Variants in MED13L observed in about 807,000 individuals in gnomAD.
MED13L encodes mediator of RNA polymerase II transcription subunit 13-like.
In MED13L, 7 loss-of-function variants were observed where a neutral mutation model predicts 220.9. That is an observed-to-expected ratio of 0.03 (90% CI 0.02 to 0.06). The LOEUF (loss-of-function observed/expected upper bound fraction) is 0.06. MED13L is among the 10% of genes least tolerant of loss of function. MED13L has a pLI of 1.00. For synonymous variants in MED13L, 1,011 were observed against 1,015.2 expected, an observed-to-expected ratio of 1.00 and a Z score of 0.08; for missense variants, 1,965 against 2,760.5, an observed-to-expected ratio of 0.71 and a Z score of 6.46.
chr12:116,202,885 T>C (rs1000233336), intron 2 of MED13L, among the ~76,000 whole-genome samples: 5 of 152,146 alleles, frequency 3.3e-5, no homozygotes, highest in Non-Finnish European at 5.9e-5. Flanking sequence ...ATCTCAAAAA[T>C]GTAAGAAAAT....
chr12:116,237,744 T>C (rs1223760283), intron 1 of MED13L, 39 bp from the exon 2 acceptor site: 1 of 1,553,474 alleles, frequency 6.4e-7, no homozygotes, highest in Non-Finnish European at 8.9e-7. Flanking sequence ...TTTCTCATTT[T>C]ACTTACAGAC....
At chr12:116,056,027 T>C (rs1459525000) in intron 4 of MED13L, among the ~76,000 whole-genome samples, 2 of 152,052 alleles carry the variant, frequency 1.3e-5, no homozygotes, top group African/African-American at 4.8e-5. Flanking sequence ...CCACAGTACA[T>C]AAGCAGAAGA....
intron 4 of MED13L, among the ~76,000 whole-genome samples, chr12:116,051,373 T>A (rs1456983104): frequency 6.6e-6 from 1 of 152,218 alleles, no homozygotes; most frequent in Non-Finnish European, 1.5e-5. Flanking sequence ...AATACAGTTT[T>A]ATTCTCTCCA....
chr12:116,273,681 A>G (rs1207815201), intron 1 of MED13L, among the ~76,000 whole-genome samples: 1 of 152,204 alleles, frequency 6.6e-6, no homozygotes, highest in Non-Finnish European at 1.5e-5. Context: ...AGAATTTGAG[A>G]TTATCACCCA....
At chr12:116,090,245 G>A (rs767766344) in intron 4 of MED13L, among the ~76,000 whole-genome samples, 7 of 152,168 alleles carry the variant, frequency 4.6e-5, no homozygotes, top group Non-Finnish European at 8.8e-5. Context: ...AGGTGAATAG[G>A]TGGTCACCTC....
intron 2 of MED13L, among the ~76,000 whole-genome samples, chr12:116,150,197 T>C (rs1391165567): frequency 6.6e-6 from 1 of 152,202 alleles, no homozygotes; most frequent in Non-Finnish European, 1.5e-5. Flanking sequence ...CCAAATCTCT[T>C]TTCTGGCTGA....
In MED13L at chr12:116,006,095, T is replaced by G. The variant is rs193095297; in HGVS notation, c.2345-102A>C. The stretch of plus-strand genomic sequence containing the variant: ...CAATGAACATGACCTGCCTGTGAGT[T>G]TTTCCCTATGGTTTTAGTTAAATTT... On this transcript the variant is annotated intron_variant, in intron 12 of 30. Transcript: ENST00000281928. 1.1e-3 allele frequency: 1,634 copies of G among 1,516,726 alleles called. 2 individuals are homozygous for G. The highest frequency in any genetic ancestry group is 1.5e-3 in the Admixed American group (86 of 56,352). The allele number at this position is 1,516,726 out of a possible 1,614,324, so 94.0% of individuals were successfully genotyped here.
chr12:116,100,594 G>A (rs1246530204), intron 3 of MED13L, among the ~76,000 whole-genome samples: 2 of 106,064 alleles, frequency 1.9e-5, no homozygotes, highest in Admixed American at 1.2e-4. Context: ...GAGAGACTCC[G>A]TCTCAAAAAA....
intron 2 of MED13L, among the ~76,000 whole-genome samples, chr12:116,197,434 G>C (rs757362768): frequency 6.6e-6 from 1 of 152,066 alleles, no homozygotes. Context: ...TCAGTAAGAT[G>C]TTCTTCTGGG....
intron 2 of MED13L, among the ~76,000 whole-genome samples, chr12:116,149,561 A>G (rs950350400): frequency 6.6e-6 from 1 of 152,234 alleles, no homozygotes; most frequent in African/African-American, 2.4e-5. Context: ...CTAACAAGCA[A>G]GTTACTTAAA....
At chr12:116,132,730 G>A (rs1456415394) in intron 2 of MED13L, among the ~76,000 whole-genome samples, 3 of 152,062 alleles carry the variant, frequency 2.0e-5, no homozygotes, top group African/African-American at 7.2e-5. Context: ...GACCAGACTG[G>A]CCAACATGGC....
At chr12:116,118,572 T>C (rs1039727924) in intron 2 of MED13L, among the ~76,000 whole-genome samples, 3 of 152,236 alleles carry the variant, frequency 2.0e-5, no homozygotes, top group Non-Finnish European at 4.4e-5. Flanking sequence ...CCTTTCAATT[T>C]ACTATCACTA....
chr12:116,004,895 AT>A (rs777807681), intron 13 of MED13L, among the ~76,000 whole-genome samples: 1 of 152,154 alleles, frequency 6.6e-6, no homozygotes, highest in African/African-American at 2.4e-5. Context: ...ACTGCTCCCC[AT>A]CACTTGGTCA....
chr12:116,121,473 A>G (rs1229096557), intron 2 of MED13L, among the ~76,000 whole-genome samples: 2 of 152,114 alleles, frequency 1.3e-5, no homozygotes, highest in African/African-American at 4.8e-5. Context: ...TATCCCTTCC[A>G]ATTCCATAAA....
chr12:116,182,928 T>A lies in MED13L; in HGVS notation c.310+54540A>T, dbSNP rs1225481759. 5.3e-5 allele frequency among the ~76,000 whole-genome samples: 8 copies of A among 152,246 alleles called. No homozygotes were observed. The South Asian group carries it at 1.7e-3, about 32-fold the overall frequency. On this transcript the variant is annotated intron_variant, in intron 2 of 30. Coordinates refer to ENST00000281928, the MANE Select transcript of MED13L (RefSeq NM_015335.5). Reference sequence around the variant, plus strand: ...AAGGTATGCAGCTTATCTCCCCTCTTGAGATTTTAAGCTACTTGAGGTGAA... The same window carrying A: ...AAGGTATGCAGCTTATCTCCCCTCTAGAGATTTTAAGCTACTTGAGGTGAA...
At chr12:116,168,254 AG>A (rs1879428126) in intron 2 of MED13L, among the ~76,000 whole-genome samples, 1 of 152,128 alleles carries the variant, frequency 6.6e-6, no homozygotes, top group Non-Finnish European at 1.5e-5. Context: ...CAAACAGAGA[AG>A]AGCATTAAAT....
At chr12:116,088,675 T>G (rs1871928910) in intron 4 of MED13L, among the ~76,000 whole-genome samples, 1 of 151,360 alleles carries the variant, frequency 6.6e-6, no homozygotes, top group African/African-American at 2.4e-5. Context: ...AGACAATAGT[T>G]TGGAATCTGA....
At chr12:116,043,454 G>A (rs985962976) in intron 4 of MED13L, among the ~76,000 whole-genome samples, 11 of 152,086 alleles carry the variant, frequency 7.2e-5, no homozygotes, top group Non-Finnish European at 1.5e-4. Flanking sequence ...GATGTCTTTG[G>A]GGGAAAGAGC....
chr12:116,110,091 T>C (rs1358160000), intron 3 of MED13L: 1 of 152,166 alleles, frequency 6.6e-6, no homozygotes, highest in African/African-American at 2.4e-5. Flanking sequence ...GTTTTTCTCA[T>C]ACAAGCTCTT....
Sources: allele counts gnomAD v4.1 joint callset (sites outside exome capture counted in the v4.1 genomes callset), GRCh38; gene constraint gnomAD v4.1.1; transcripts MANE v1.5; gene names NCBI Gene and HGNC (gene_info 2026-07-23, HGNC 2026-07-21).